The following LUZP1 variants were observed in gnomAD, a reference collection of about 807,000 sequenced individuals.
LUZP1 encodes the protein filamin mechanobinding actin cross-linking protein.
Under a neutral mutation model 71.3 loss-of-function variants are expected in LUZP1, and 25 were observed. The ratio of observed to expected loss-of-function variants is 0.35; its 90% CI spans 0.26 to 0.49. The LOEUF is 0.49. LUZP1 is among the 20% of genes least tolerant of loss of function. The probability of loss-of-function intolerance (pLI) is 0.99; values close to 1 mark genes in which losing one functional copy is unlikely to be tolerated. For missense variants in LUZP1, 1,142 were observed against 1,300.8 expected (o/e 0.88, Z 1.88); for synonymous variants, 481 against 506.4 (o/e 0.95, Z 0.67).
intron 2 of LUZP1, among the ~76,000 whole-genome samples, chr1:23,139,114 A>AT (rs559252569): frequency 1.4e-3 from 192 of 138,820 alleles, no homozygotes; most frequent in Non-Finnish European, 2.6e-3. Context: ...ATAGATATAG[A>AT]TTTTTTTTTT....
At chr1:23,090,331 G>A (rs1643833761) in intron 4 of LUZP1, 1 of 153,028 alleles carries the variant, frequency 6.5e-6, no homozygotes, top group Non-Finnish European at 1.5e-5. Flanking sequence ...AGTGGGTAGT[G>A]AAGTACTTTT....
At chr1:23,161,958 G>A (rs1644469695) in intron 2 of LUZP1, among the ~76,000 whole-genome samples, 1 of 150,260 alleles carries the variant, frequency 6.7e-6, no homozygotes, top group Non-Finnish European at 1.5e-5. Flanking sequence ...CCCAGGAGGT[G>A]GAGGTTGCAG....
intron 3 of LUZP1, among the ~76,000 whole-genome samples, chr1:23,107,034 G>A (rs1036628977): frequency 4.6e-5 from 7 of 152,154 alleles, no homozygotes; most frequent in Non-Finnish European, 1.5e-5. Flanking sequence ...CCAGCCACAC[G>A]GCCTCCTTAT....
chr1:23,145,935 G>A (rs546829452), intron 2 of LUZP1, among the ~76,000 whole-genome samples: 8 of 152,240 alleles, frequency 5.3e-5, no homozygotes, highest in Admixed American at 5.2e-4. Context: ...TGAAAATTAT[G>A]TTAGAATATT....
At chr1:23,172,522 T>A (rs1397800789) in intron 1 of LUZP1, among the ~76,000 whole-genome samples, 1 of 150,956 alleles carries the variant, frequency 6.6e-6, no homozygotes, top group Admixed American at 6.6e-5. Context: ...TTTTTTTATT[T>A]TTTTTTTTTT....
chr1:23,099,528 T>C (rs1643915512), intron 3 of LUZP1, among the ~76,000 whole-genome samples: 1 of 152,258 alleles, frequency 6.6e-6, no homozygotes, highest in African/African-American at 2.4e-5. Context: ...ATCTTATTTG[T>C]ACTAGCTTAT....
At chr1:23,089,615 C>T (rs923480169) in intron 4 of LUZP1, among the ~76,000 whole-genome samples, 5 of 150,772 alleles carry the variant, frequency 3.3e-5, no homozygotes, top group East Asian at 1.9e-4. Flanking sequence ...TTTTTTGAGA[C>T]GAAGTCTCGC....
chr1:23,123,920 T>C (rs1325203769), intron 2 of LUZP1, among the ~76,000 whole-genome samples: 2 of 152,166 alleles, frequency 1.3e-5, no homozygotes, highest in African/African-American at 4.8e-5. Context: ...ACTTTCAAAG[T>C]AGTCTTTTCT....
chr1:23,176,254 G>T (rs1644582101), intron 1 of LUZP1, among the ~76,000 whole-genome samples: 1 of 151,926 alleles, frequency 6.6e-6, no homozygotes, highest in Non-Finnish European at 1.5e-5. Flanking sequence ...TAGAGACGGG[G>T]TTTCACCATG....
chr1:23,119,327 C>CA (rs564349416), intron 2 of LUZP1, among the ~76,000 whole-genome samples: 169 of 139,812 alleles, frequency 1.2e-3, no homozygotes, highest in African/African-American at 4.3e-3. Flanking sequence ...GGCACAATCA[C>CA]AGCTCACTAT....
At chr1:23,164,725 T>A (rs1644496519) in intron 2 of LUZP1, among the ~76,000 whole-genome samples, 1 of 152,162 alleles carries the variant, frequency 6.6e-6, no homozygotes, top group Non-Finnish European at 1.5e-5. Context: ...CCTAATGTAT[T>A]CTTCCCTTTG....
At chr1:23,130,633 G>T (rs1644207589) in intron 2 of LUZP1, among the ~76,000 whole-genome samples, 1 of 150,724 alleles carries the variant, frequency 6.6e-6, no homozygotes, top group Admixed American at 6.6e-5. Context: ...CAAAGTGCTG[G>T]GATTTCAGGC....
intron 2 of LUZP1, among the ~76,000 whole-genome samples, chr1:23,153,854 T>C (rs769983809): frequency 3.3e-5 from 5 of 152,048 alleles, no homozygotes; most frequent in Non-Finnish European, 7.4e-5. Flanking sequence ...AGGAGAATCA[T>C]TGAGCCTGGG....
intron 2 of LUZP1, among the ~76,000 whole-genome samples, chr1:23,158,719 C>G (rs1171177495): frequency 6.9e-6 from 1 of 145,094 alleles, no homozygotes; most frequent in African/African-American, 2.6e-5. Context: ...TTAATCCCAG[C>G]ACTTTGGGAG....
At chr1:23,142,700 T>TATAC (rs1406009401) in intron 2 of LUZP1, among the ~76,000 whole-genome samples, 18 of 104,336 alleles carry the variant, frequency 1.7e-4, no homozygotes, top group Admixed American at 1.0e-3. Context: ...TATATATATA[T>TATAC]ACACACACAC....
At chr1:23,144,859 A>G (rs979158671) in intron 2 of LUZP1, among the ~76,000 whole-genome samples, 2 of 151,570 alleles carry the variant, frequency 1.3e-5, no homozygotes, top group African/African-American at 4.9e-5. Flanking sequence ...TTTAAATTGT[A>G]TTTCTTTTCA....
exon 4 of LUZP1, chr1:23,092,010 C>G (rs372659813): frequency 6.2e-7 from 1 of 1,614,096 alleles, no homozygotes; most frequent in Non-Finnish European, 8.5e-7. Flanking sequence ...GGCTCTAGAC[C>G]GCAACGCCTC....
At chr1:23,124,729 A>AT (rs934881628) in intron 2 of LUZP1, among the ~76,000 whole-genome samples, 2 of 152,142 alleles carry the variant, frequency 1.3e-5, no homozygotes, top group African/African-American at 4.8e-5. Flanking sequence ...AAGGAGGTAC[A>AT]TTTTTTTAAA....
chr1:23,117,479 C>T (rs867632713), intron 2 of LUZP1, among the ~76,000 whole-genome samples: 3,964 of 37,762 alleles, frequency 0.1, 214 homozygotes, highest in East Asian at 0.16. Flanking sequence ...CTCTCTCTCC[C>T]CCCCCCCCCC....
Sources: allele counts gnomAD v4.1 joint callset (sites outside exome capture counted in the v4.1 genomes callset), GRCh38; gene constraint gnomAD v4.1.1; transcripts MANE v1.5; gene names NCBI Gene and HGNC (gene_info 2026-07-23, HGNC 2026-07-21).